The following ACACA variants were observed in gnomAD, a reference collection of about 807,000 sequenced individuals.
ACACA encodes acetyl-CoA carboxylase 1.
Under a neutral mutation model 296.1 loss-of-function variants are expected in ACACA, and 103 were observed. The observed-to-expected ratio is 0.35, with a 90% CI of 0.30 to 0.41. The LOEUF (loss-of-function observed/expected upper bound fraction) is 0.41, where lower values mean the gene tolerates loss of function less well. Ranked by LOEUF, ACACA falls within the 10% of genes least tolerant of loss-of-function variation. The pLI, the probability that ACACA is intolerant of heterozygous loss-of-function variation, is 1.00. For synonymous variants in ACACA, 953 were observed against 1,038.6 expected, an observed-to-expected ratio of 0.92 and a Z score of 1.58; for missense variants, 1,554 against 2,989.7, an observed-to-expected ratio of 0.52 and a Z score of 11.20.
intron 2 of ACACA, among the ~76,000 whole-genome samples, chr17:37,335,973 T>C (rs946712695): frequency 1.3e-5 from 2 of 152,030 alleles, no homozygotes; most frequent in Non-Finnish European, 1.5e-5. Context: ...TGCAAAACAC[T>C]GGACCCTGGG....
chr17:37,093,332 A>G (rs1485997230), intron 54 of ACACA, among the ~76,000 whole-genome samples: 1 of 152,198 alleles, frequency 6.6e-6, no homozygotes, highest in African/African-American at 2.4e-5. Flanking sequence ...GCCAAACCAA[A>G]GAGCGTCTGA....
At chr17:37,164,582 C>A (rs1277231402) in intron 41 of ACACA, among the ~76,000 whole-genome samples, 1 of 152,132 alleles carries the variant, frequency 6.6e-6, no homozygotes, top group Non-Finnish European at 1.5e-5. Flanking sequence ...AAAAATAGAT[C>A]ATTCAAAAAA....
chr17:37,231,590 C>G (rs1290344203), intron 25 of ACACA, among the ~76,000 whole-genome samples: 2 of 152,200 alleles, frequency 1.3e-5, no homozygotes, highest in Non-Finnish European at 1.5e-5. Flanking sequence ...AGGTGCTGAT[C>G]AGCATCATAA....
intron 3 of ACACA, among the ~76,000 whole-genome samples, chr17:37,305,662 C>T (rs917829510): frequency 2.0e-5 from 3 of 152,166 alleles, no homozygotes; most frequent in African/African-American, 4.8e-5. Flanking sequence ...CTGGCCTGTG[C>T]CACTCACCCA....
chr17:37,214,967 G>A (rs2078918163), intron 29 of ACACA, among the ~76,000 whole-genome samples: 1 of 152,138 alleles, frequency 6.6e-6, no homozygotes, highest in Admixed American at 6.5e-5. Flanking sequence ...ATGGCAGTTG[G>A]CTACCAATTA....
At chr17:37,350,093 G>C (rs2048826674) in intron 1 of ACACA, among the ~76,000 whole-genome samples, 1 of 152,064 alleles carries the variant, frequency 6.6e-6, no homozygotes, top group Non-Finnish European at 1.5e-5. Context: ...ACTTTCGGAG[G>C]CTGAGGCATT....
chr17:37,176,023 A>C (rs1413412919), intron 41 of ACACA, among the ~76,000 whole-genome samples: 1 of 152,214 alleles, frequency 6.6e-6, no homozygotes, highest in Non-Finnish European at 1.5e-5. Context: ...GAAGTTACCT[A>C]AAACTAAATG....
intron 29 of ACACA, among the ~76,000 whole-genome samples, chr17:37,216,684 G>A (rs947170292): frequency 1.3e-5 from 2 of 152,014 alleles, no homozygotes; most frequent in Admixed American, 6.6e-5. Context: ...AACTGTTCAA[G>A]TGTGCTAAAA....
At chr17:37,354,723 G>C (rs1202541880) in intron 1 of ACACA, among the ~76,000 whole-genome samples, 2 of 151,880 alleles carry the variant, frequency 1.3e-5, no homozygotes, top group Admixed American at 6.6e-5. Flanking sequence ...CCAGGGGTTC[G>C]AGACCAGTCT....
Position 37,200,117 on chromosome 17 carries a change from CATT to C in ACACA, c.4158+19_4158+21del, listed in dbSNP as rs2145244913. 6.5e-7 allele frequency: 1 copy of C among 1,549,964 alleles called. No individual in the cohort carries two copies. Among genetic ancestry groups the C allele is most frequent in the East Asian group, 2.2e-5 (1 of 44,496 alleles). On this transcript the variant is annotated intron_variant, in intron 35 of 55. Coordinates refer to ENST00000616317, the MANE Select transcript of ACACA (RefSeq NM_198834.3). ...ACAAATAAAACAGTAAGTAATCTTT[CATT>C]ATTGTTCATTTTACTTACATGAAAT... is the stretch of plus-strand genomic sequence containing the variant.
At chr17:37,350,816 A>G (rs1426389011) in intron 1 of ACACA, among the ~76,000 whole-genome samples, 1 of 151,406 alleles carries the variant, frequency 6.6e-6, no homozygotes, top group Non-Finnish European at 1.5e-5. Context: ...TCCAACGTAC[A>G]TGGCCCCCTT....
chr17:37,260,292 ATATATTTTTTTTTTTT>A (rs1325878030), intron 11 of ACACA, among the ~76,000 whole-genome samples: 2 of 16,484 alleles, frequency 1.2e-4, no homozygotes, highest in African/African-American at 4.7e-4. Flanking sequence ...ATATATATAT[ATATATTTTTTTTTTTT>A]TTTTTTTTGG....
intron 51 of ACACA, among the ~76,000 whole-genome samples, chr17:37,112,863 G>A (rs2074053122): frequency 6.6e-6 from 1 of 152,192 alleles, no homozygotes; most frequent in African/African-American, 2.4e-5. Flanking sequence ...CTCCCAATAA[G>A]CCTGAGGTTC....
At chr17:37,167,436 A>C (rs561941062) in intron 41 of ACACA, among the ~76,000 whole-genome samples, 9 of 151,388 alleles carry the variant, frequency 5.9e-5, no homozygotes, top group African/African-American at 2.2e-4. Context: ...ATCCTGCCTC[A>C]GCCTCCCAAG....
chr17:37,111,552 T>G lies in ACACA; in HGVS notation c.6544A>C (p.Ile2182Leu). ...ATACCCAATCGCTCAGCCAAGTGGATGTAGACTGGGTCCACCCGACGCATG... is the reference window on the plus strand; with the variant it reads ...ATACCCAATCGCTCAGCCAAGTGGAGGTAGACTGGGTCCACCCGACGCATG... ...KTMRRVDPVY[I>L]HLAERLGTPE... The change falls in exon 52 of 56, where the codon ATC becomes CTC. Residue 2182 changes from isoleucine (I) to leucine (L), a missense_variant. By Grantham distance (5) the Ile-to-Leu change is conservative. Transcript: ENST00000616317. 1 of 1,614,018 alleles carries G rather than the reference T, an allele frequency of 6.2e-7. No individual in the cohort carries two copies. The highest frequency in any genetic ancestry group is 1.1e-5 in the South Asian group (1 of 91,078).
At chr17:37,158,749 A>T (rs1283025031) in intron 42 of ACACA, among the ~76,000 whole-genome samples, 1 of 152,132 alleles carries the variant, frequency 6.6e-6, no homozygotes, top group Non-Finnish European at 1.5e-5. Context: ...CCTACTTTCT[A>T]TATTGGCTGT....
chr17:37,090,996 T>A (rs966583130), intron 54 of ACACA, among the ~76,000 whole-genome samples: 2 of 152,158 alleles, frequency 1.3e-5, no homozygotes, highest in African/African-American at 4.8e-5. Flanking sequence ...GAATATTTAA[T>A]ACTCTTATTA....
intron 16 of ACACA, 148 bp downstream of exon 16, chr17:37,251,857 C>A: frequency 1.3e-6 from 1 of 767,124 alleles, no homozygotes. Flanking sequence ...GTCAACATCC[C>A]CTCTTTCTTG....
At chr17:37,233,132 G>A (rs964422210) in intron 25 of ACACA, among the ~76,000 whole-genome samples, 7 of 152,190 alleles carry the variant, frequency 4.6e-5, no homozygotes, top group Non-Finnish European at 1.0e-4. Context: ...CCAGTTCTCT[G>A]ACAGGGCCCA....
Sources: allele counts gnomAD v4.1 joint callset (sites outside exome capture counted in the v4.1 genomes callset), GRCh38; gene constraint gnomAD v4.1.1; transcripts MANE v1.5; gene names NCBI Gene and HGNC (gene_info 2026-07-23, HGNC 2026-07-21).